Variants in PES1 observed in about 807,000 individuals in gnomAD.
The protein encoded by PES1 is pescadillo homolog.
A neutral mutation model predicts 77.1 loss-of-function variants in PES1; 31 were observed. That is an observed-to-expected ratio of 0.40 (90% confidence interval 0.30 to 0.54). The LOEUF is 0.54. Ranked by LOEUF, PES1 falls within the 20% of genes least tolerant of loss-of-function variation. The probability of loss-of-function intolerance (pLI) is 0.45; values close to 1 mark genes in which losing one functional copy is unlikely to be tolerated. For missense variants in PES1, 658 were observed against 771.7 expected (o/e 0.85, Z 1.75); for synonymous variants, 282 against 303.0 (o/e 0.93, Z 0.72).
At chr22:30,583,000 G>A (rs777706875) in intron 6 of PES1, among the ~76,000 whole-genome samples, 2 of 152,236 alleles carry the variant, frequency 1.3e-5, no homozygotes, top group Non-Finnish European at 2.9e-5. Flanking sequence ...GGCCAAGGAG[G>A]AAAGGGGAAT....
In PES1 at chr22:30,589,201, C is replaced by A; in HGVS notation, c.94G>T (p.Ala32Ser). 6.2e-7 allele frequency: 1 copy of A among 1,613,674 alleles called. No individual in the cohort carries two copies. Among genetic ancestry groups the A allele is most frequent in the African/African-American group, 1.3e-5 (1 of 75,044 alleles). ...KARKKLQLSLADFRRLCILKG... is the reference protein window; with the variant it reads ...KARKKLQLSLSDFRRLCILKG... ...TCCCTCTATATTCACCTAAAGTCAG[C>A]CAAGCTCAGCTGGAGCTTCTTCCGG... The change falls in exon 2 of 15, where the codon GCT (alanine) becomes TCT (serine). Residue 32 changes from alanine to serine, a missense_variant. By Grantham distance (99) the Ala-to-Ser change is moderately conservative. Coordinates refer to ENST00000354694, the MANE Select transcript of PES1 (RefSeq NM_014303.4).
intron 2 of PES1, among the ~76,000 whole-genome samples, chr22:30,598,658 A>G (rs1322279017): frequency 6.6e-6 from 1 of 151,958 alleles, no homozygotes; most frequent in Non-Finnish European, 1.5e-5. Context: ...TGAACTCCTT[A>G]CCTTAAGTGA....
rs778391673 is a variant in PES1, at chr22:30,584,465, G to A, written c.541-11C>T. 13 of 1,611,084 alleles carry A rather than the reference G, an allele frequency of 8.1e-6. No homozygotes were observed. The highest frequency in any genetic ancestry group is 1.0e-5 in the Non-Finnish European group (12 of 1,178,466). On this transcript the variant is annotated splice_polypyrimidine_tract_variant and intron_variant, in intron 5 of 14. Transcript: ENST00000354694. ...GATGGACAGGAAGACCTAGGGGAGA[G>A]GAGGAGACATCTGGGTGAAGACCAT...
chr22:30,581,698 G>A (rs2086991374), intron 6 of PES1, 54 bp from the exon 7 acceptor site: 1 of 1,249,172 alleles, frequency 8.0e-7, no homozygotes, highest in Non-Finnish European at 1.2e-6. Context: ...GGGGGCAAAG[G>A]AGGGACAGAC....
At chr22:30,605,923 G>A (rs2087431947) in intron 1 of PES1, among the ~76,000 whole-genome samples, 1 of 152,208 alleles carries the variant, frequency 6.6e-6, no homozygotes, top group African/African-American at 2.4e-5. Flanking sequence ...GGAAATGATT[G>A]GAGATATTTT....
At chr22:30,606,925 T>A in exon 1 of PES1, 1 of 1,054,354 alleles carries the variant, frequency 9.5e-7, no homozygotes, top group Non-Finnish European at 1.2e-6. Context: ...AATCCACCAC[T>A]GGAACAGCTG....
At chr22:30,598,625 TGCCATGCTG>T (rs1257247562) in intron 2 of PES1, among the ~76,000 whole-genome samples, 1 of 152,026 alleles carries the variant, frequency 6.6e-6, no homozygotes, top group African/African-American at 2.4e-5. Context: ...AGTTGGGTTT[TGCCATGCTG>T]GCCAGGCTGG....
rs559475200 is a variant in PES1 at position 30,584,644 on chromosome 22, G to T, written c.442C>A (p.Pro148Thr). The change falls in exon 5 of 15, where the codon CCG (proline) becomes ACG (threonine). Residue 148 changes from proline to threonine, a missense_variant. Coordinates refer to ENST00000354694, the MANE Select transcript of PES1 (RefSeq NM_014303.4). ...TGCACGTGGCACTTGCCAGTCCGCG[G>T]GAAGGTGGAAAACAGGAAGCACATG... ...LSMCFLFSTF[P>T]RTGKCHVQTI... 9.9e-6 allele frequency: 16 copies of T among 1,613,990 alleles called. No homozygotes were observed. In the East Asian group the frequency reaches 3.3e-4, roughly 34 times the overall value.
At chr22:30,587,259 C>G in intron 4 of PES1, 27 bp downstream of exon 4, 1 of 1,436,664 alleles carries the variant, frequency 7.0e-7, no homozygotes, top group Non-Finnish European at 9.8e-7. Context: ...GAAGAAACAG[C>G]AGTGTCCTGA....
chr22:30,605,380 G>A (rs994893850), intron 2 of PES1: 2 of 823,170 alleles, frequency 2.4e-6, no homozygotes, highest in Non-Finnish European at 2.9e-6. Flanking sequence ...AGGCAGGGGG[G>A]TGTCTCCCTC....
upstream of PES1, among the ~76,000 whole-genome samples, chr22:30,595,796 G>A (rs1365882762): frequency 6.6e-6 from 1 of 152,112 alleles, no homozygotes; most frequent in Non-Finnish European, 1.5e-5. Flanking sequence ...TGGACCCTGG[G>A]CTTACCGGCA....
At chr22:30,579,519 A>G (rs962383538) in intron 12 of PES1, 7 of 753,676 alleles carry the variant, frequency 9.3e-6, no homozygotes, top group African/African-American at 7.1e-5. Flanking sequence ...GTCGCCTCCA[A>G]TGTAAACTCT....
In PES1 at chr22:30,587,195, T is replaced by C; in HGVS notation, c.368+91A>G. On this transcript the variant is annotated intron_variant, in intron 4 of 14. Coordinates refer to ENST00000354694, the MANE Select transcript of PES1 (RefSeq NM_014303.4). Reference sequence around the variant, plus strand: ...AGTTGCAAGCTCTTTGAGCAGGGTCTTGGTCTTATTCCCTATTGTATCCCT... The same window carrying C: ...AGTTGCAAGCTCTTTGAGCAGGGTCCTGGTCTTATTCCCTATTGTATCCCT... 5.3e-6 allele frequency: 5 copies of C among 935,544 alleles called. No individual in the cohort carries two copies. The South Asian group carries it at 7.1e-5, about 13-fold the overall frequency. 58.0% of individuals were successfully genotyped at this position (935,544 alleles called of 1,614,324 possible).
Position 30,580,998 on chromosome 22 carries a change from A to G in PES1, c.912+14T>C, listed in dbSNP as rs1241746647. 5.0e-6 allele frequency: 8 copies of G among 1,606,892 alleles called. No homozygotes were observed. Among genetic ancestry groups the G allele is most frequent in the Non-Finnish European group, 6.8e-6 (8 of 1,174,580 alleles). On this transcript the variant is annotated intron_variant, in intron 9 of 14. Transcript: ENST00000354694. Reference sequence around the variant, plus strand: ...CCTCCCAGCCCTCCTGCCAGAAGGCAGTGCAGTGCTCACCCCATCGGTGGG... The same window carrying G: ...CCTCCCAGCCCTCCTGCCAGAAGGCGGTGCAGTGCTCACCCCATCGGTGGG...
Position 30,584,712 on chromosome 22 carries a change from G to A in PES1, c.374C>T (p.Pro125Leu). 1 of 1,613,538 alleles carries A rather than the reference G, an allele frequency of 6.2e-7. No individual in the cohort carries two copies. Among genetic ancestry groups the A allele is most frequent in the Non-Finnish European group, 8.5e-7 (1 of 1,179,986 alleles). The change falls in exon 5 of 15, where the codon CCC becomes CTC. Residue 125 changes from proline to leucine, a missense_variant. Transcript: ENST00000354694. ...GTCCCGCAGGGCATCGATGAACGTG[G>A]GATACCTGCATGGCCAGTGAGGCAG... ...KLDHIIKERY[P>L]TFIDALRDLD...
At chr22:30,591,026 C>T (rs151080959) in intron 1 of PES1, among the ~76,000 whole-genome samples, 52 of 152,212 alleles carry the variant, frequency 3.4e-4, no homozygotes, top group African/African-American at 1.2e-3. Flanking sequence ...TTCCTCATTC[C>T]CATTCCCTTC....
At position 30,602,387 on chromosome 22, in the gene PES1, T is replaced by TATA. The variant is rs530110950; in HGVS notation, c.-661+3071_-661+3073dup. Among the ~76,000 whole-genome samples the TATA allele has an allele frequency of 1.7e-3, 257 of 152,178 alleles. 1 individual carries two copies. The highest frequency in any genetic ancestry group is 5.7e-3 in the African/African-American group (238 of 41,534). On this transcript the variant is annotated intron_variant, in intron 2 of 16. Coordinates refer to the PES1 transcript ENST00000402281. ...CAACTGTGAGTCAATTAAACCTCTT[T>TATA]ATAAATTACCGAATTGCAGGTATTT...
Position 30,578,822 on chromosome 22 carries a change from G to A in PES1, c.1683+15C>T. 6.2e-7 allele frequency: 1 copy of A among 1,611,980 alleles called. No individual in the cohort carries two copies. Among genetic ancestry groups the A allele is most frequent in the Non-Finnish European group, 8.5e-7 (1 of 1,179,850 alleles). On this transcript the variant is annotated intron_variant, in intron 14 of 14. Coordinates refer to ENST00000354694, the MANE Select transcript of PES1 (RefSeq NM_014303.4). ...GTGGCCACACCTGGATCTCAAGTGG[G>A]TGGCAAGAACTCACCTCTCGGATTT...
intron 14 of PES1, among the ~76,000 whole-genome samples, chr22:30,578,580 C>T (rs2086935133): frequency 6.6e-6 from 1 of 152,244 alleles, no homozygotes; most frequent in African/African-American, 2.4e-5. Context: ...TTTGCAGACC[C>T]CAGCAGACTC....
Sources: gnomAD v4.1 joint callset for allele counts (sites outside exome capture counted in the v4.1 genomes callset) on GRCh38, gnomAD v4.1.1 for gene constraint, MANE v1.5 for transcripts, NCBI Gene and HGNC (gene_info 2026-07-23, HGNC 2026-07-21) for gene names.